Variants in CBLN3 observed in about 807,000 individuals in gnomAD.
CBLN3 encodes the protein cerebellin 3 precursor.
Under a neutral mutation model 17.4 loss-of-function variants are expected in CBLN3, and 14 were observed. The ratio of observed to expected loss-of-function variants is 0.81; its 90% CI spans 0.53 to 1.26. The LOEUF (loss-of-function observed/expected upper bound fraction) is 1.26. Ranked by LOEUF, CBLN3 falls within the 50% of genes most tolerant of loss-of-function variation. The pLI is 0.00. For missense variants in CBLN3, 263 were observed against 268.5 expected (o/e 0.98, Z 0.14); for synonymous variants, 129 against 117.4 (o/e 1.10, Z -0.64).
chr14:24,428,791 G>A lies in CBLN3; in HGVS notation c.264C>T (p.Thr88=), dbSNP rs769229753. ...AGATGGCCCCACTGGTGCCATTGCC[G>A]GTTTCCCCTGCTGGCTCATGGTGGT... ...RSHHHEPAGE[T]GNGTSGAIYF... Residue 88 remains threonine, a synonymous_variant, in exon 1 of 3, where the codon ACC becomes ACT. Transcript: ENST00000267406. 5.6e-6 allele frequency: 9 copies of A among 1,606,742 alleles called. No individual in the cohort carries two copies. The highest frequency in any genetic ancestry group is 1.1e-5 in the South Asian group (1 of 90,494).
chr14:24,426,596 C>A lies in CBLN3; in HGVS notation c.*1193G>T, dbSNP rs1157004057. ...TTCCTCTGCAACATACCTACTTGTA[C>A]CTGTAACACCCGATCCAAACTCCAG... On this transcript the variant is annotated 3_prime_UTR_variant, in exon 3 of 3. Transcript: ENST00000267406. The A allele has an allele frequency of 6.6e-6, 1 of 152,178 alleles. No homozygotes were observed. Among genetic ancestry groups the A allele is most frequent in the East Asian group, 1.9e-4 (1 of 5,204 alleles). 9.4% of individuals were successfully genotyped at this position (152,178 alleles called of 1,614,324 possible).
intron 2 of CBLN3, 57 bp downstream of exon 2, chr14:24,428,229 C>G (rs1292167930): frequency 6.2e-7 from 1 of 1,600,680 alleles, no homozygotes; most frequent in African/African-American, 1.3e-5. Flanking sequence ...GCTGGGCTCC[C>G]CTTCTTCCCC....
Position 24,429,102 on chromosome 14 carries a change from T to C in CBLN3, c.-48A>G. ...CAAGTGCCCCGGTCTTCTGCCCCTC[T>C]TCTGTTTCCGCTCCTCTCCCTGGAT... On this transcript the variant is annotated 5_prime_UTR_variant, in exon 1 of 3. Coordinates refer to ENST00000267406, the MANE Select transcript of CBLN3 (RefSeq NM_001039771.3). The C allele has an allele frequency of 6.9e-7, 1 of 1,457,288 alleles. No individual in the cohort carries two copies. Among genetic ancestry groups the C allele is most frequent in the Non-Finnish European group, 9.1e-7 (1 of 1,100,790 alleles). The allele number at this position is 1,457,288 out of a possible 1,614,324, so 90.3% of individuals were successfully genotyped here. A position where few individuals can be genotyped will look rare whatever the true frequency, so the allele number is the denominator to read the frequency against.
At position 24,426,894 on chromosome 14, in the gene CBLN3, G is replaced by A. The variant is rs563949385; in HGVS notation, c.*895C>T. 24 of 152,584 alleles carry A rather than the reference G, an allele frequency of 1.6e-4. No homozygotes were observed. Among genetic ancestry groups the A allele is most frequent in the African/African-American group, 5.5e-4 (23 of 41,590 alleles). 9.5% of individuals were successfully genotyped at this position (152,584 alleles called of 1,614,324 possible). Reference sequence around the variant, plus strand: ...AGGTACAGTGAAGATAACTCAGTGAGAGAGCTGGGAGGAAGGAGGCAGCAG... The same window carrying A: ...AGGTACAGTGAAGATAACTCAGTGAAAGAGCTGGGAGGAAGGAGGCAGCAG... On this transcript the variant is annotated 3_prime_UTR_variant, in exon 3 of 3. Transcript: ENST00000267406.
At chr14:24,428,636 T>C in intron 1 of CBLN3, 119 bp downstream of exon 1, 1 of 1,254,610 alleles carries the variant, frequency 8.0e-7, no homozygotes, top group South Asian at 1.4e-5. Flanking sequence ...GCCAGATTAG[T>C]GAAAGATGTA....
At position 24,428,375 on chromosome 14, in the gene CBLN3, G is replaced by C. The variant is rs141000396; in HGVS notation, c.331C>G (p.Arg111Gly). Reference protein sequence around the residue: ...VLVNEGGGFDRASGSFVAPVR... With the variant: ...VLVNEGGGFDGASGSFVAPVR... ...GGGGCTACGAAGGAGCCAGAGGCCC[G>C]GTCAAAGCCACCGCCCTCGTTCACC... The change falls in exon 2 of 3, where the codon CGG becomes GGG. Residue 111 changes from arginine to glycine, a missense_variant. By Grantham distance (125) the Arg-to-Gly change is moderately radical. Transcript: ENST00000267406. 6.8e-6 allele frequency: 11 copies of C among 1,613,854 alleles called. No homozygotes were observed. Among genetic ancestry groups the C allele is most frequent in the East Asian group, 2.2e-5 (1 of 44,866 alleles).
chr14:24,429,252 T>C lies in CBLN3; in HGVS notation c.-198A>G. The C allele has an allele frequency of 1.7e-5, 12 of 706,832 alleles. No individual in the cohort carries two copies. In the Middle Eastern group the frequency reaches 9.0e-4, roughly 53 times the overall value. The allele number at this position is 706,832 out of a possible 1,614,324, so 43.8% of individuals were successfully genotyped here. On this transcript the variant is annotated 5_prime_UTR_variant, in exon 1 of 3. Coordinates refer to ENST00000267406, the MANE Select transcript of CBLN3 (RefSeq NM_001039771.3). ...TGCTGTCACTGCAGTTCCCTCCTCC[T>C]TGGCAGAGCATGCAGTGACAGCAGT...
rs2273632 is a variant in CBLN3 at position 24,429,352 on chromosome 14, C to G, written c.-298G>C. On this transcript the variant is annotated 5_prime_UTR_variant, in exon 1 of 3. Transcript: ENST00000267406. ...GAGGGCTGCAGCCAGAGCTTCAGGG[C>G]AGCCCTGCTGGATGGGACAGCACTG... 3 of 640,976 alleles carry G rather than the reference C, an allele frequency of 4.7e-6. No homozygotes were observed. Among genetic ancestry groups the G allele is most frequent in the Non-Finnish European group, 8.6e-6 (3 of 347,074 alleles). 39.7% of individuals were successfully genotyped at this position (640,976 alleles called of 1,614,324 possible).
chr14:24,427,638 T>C lies in CBLN3; in HGVS notation c.*151A>G. 2.6e-6 allele frequency: 2 copies of C among 758,952 alleles called. No individual in the cohort carries two copies. The highest frequency in any genetic ancestry group is 4.5e-6 in the Non-Finnish European group (2 of 445,884). The allele number at this position is 758,952 out of a possible 1,614,324, so 47.0% of individuals were successfully genotyped here. ...GAGATGCCACAGCTCTACTCTTCTC[T>C]TAAACTTGGGTGTTTGGCACAGGGT... On this transcript the variant is annotated 3_prime_UTR_variant, in exon 3 of 3. Transcript: ENST00000267406. This position sits in a 1 kb window ranked among gnomAD's most constrained non-coding sequence, Gnocchi z 4.4.
Position 24,428,808 on chromosome 14 carries a change from C to T in CBLN3, c.247G>A (p.Glu83Lys). The T allele has an allele frequency of 6.2e-7, 1 of 1,611,262 alleles. No homozygotes were observed. Among genetic ancestry groups the T allele is most frequent in the African/African-American group, 1.3e-5 (1 of 74,968 alleles). ...AFAAVRSHHH[E>K]PAGETGNGTS... ...CCATTGCCGGTTTCCCCTGCTGGCT[C>T]ATGGTGGTGGCTTCGGACCGCAGCA... The change falls in exon 1 of 3, where the codon GAG becomes AAG. Residue 83 changes from glutamate to lysine, a missense_variant. Glu to Lys is a moderately conservative substitution (Grantham distance 56). Coordinates refer to ENST00000267406, the MANE Select transcript of CBLN3 (RefSeq NM_001039771.3).
intron 2 of CBLN3, 76 bp downstream of exon 2, chr14:24,428,210 C>T (rs751957473): frequency 2.2e-5 from 34 of 1,575,312 alleles, no homozygotes; most frequent in African/African-American, 4.0e-5. Flanking sequence ...AGAGTCCACC[C>T]GGAGGTCAGC....
In CBLN3 at chr14:24,429,125, G is replaced by T. The variant is rs1223974245; in HGVS notation, c.-71C>A. On this transcript the variant is annotated 5_prime_UTR_variant, in exon 1 of 3. Transcript: ENST00000267406. ...TCTTCTGTTTCCGCTCCTCTCCCTG[G>T]ATTCTCACCGCCGGCACCCTGATCG... 1.4e-6 allele frequency: 2 copies of T among 1,429,034 alleles called. No individual in the cohort carries two copies. The highest frequency in any genetic ancestry group is 2.8e-5 in the Admixed American group (1 of 36,162). The allele number at this position is 1,429,034 out of a possible 1,614,324, so 88.5% of individuals were successfully genotyped here.
Position 24,428,378 on chromosome 14 carries a change from C to A in CBLN3, c.328G>T (p.Asp110Tyr), listed in dbSNP as rs2043045982. ...GCTACGAAGGAGCCAGAGGCCCGGT[C>A]AAAGCCACCGCCCTCGTTCACCAGG... is the stretch of plus-strand genomic sequence containing the variant. ...QVLVNEGGGF[D>Y]RASGSFVAPV... Residue 110 changes from aspartate to tyrosine, a missense_variant, in exon 2 of 3, where the codon GAC (aspartate) becomes TAC (tyrosine). Transcript: ENST00000267406. 14 of 1,613,828 alleles carry A rather than the reference C, an allele frequency of 8.7e-6. No individual in the cohort carries two copies. The highest frequency in any genetic ancestry group is 1.7e-5 in the Admixed American group (1 of 60,018).
Position 24,427,783 on chromosome 14 carries a change from G to A in CBLN3, c.*6C>T. On this transcript the variant is annotated 3_prime_UTR_variant, in exon 3 of 3. Coordinates refer to ENST00000267406, the MANE Select transcript of CBLN3 (RefSeq NM_001039771.3). The surrounding 1 kb of genome is among the most constrained non-coding windows in gnomAD (Gnocchi z 4.4). ...CTGGATTCTTGTGCTTGAAAGACTTGGGTCCTCAGAGAGGGAAGATGAGGA... is the reference window on the plus strand; with the variant it reads ...CTGGATTCTTGTGCTTGAAAGACTTAGGTCCTCAGAGAGGGAAGATGAGGA... 1 of 1,613,606 alleles carries A rather than the reference G, an allele frequency of 6.2e-7. No individual in the cohort carries two copies. The highest frequency in any genetic ancestry group is 1.3e-5 in the African/African-American group (1 of 75,012).
In CBLN3 at chr14:24,428,745, G is replaced by C. The variant is rs1594749570; in HGVS notation, c.300+10C>G. The C allele has an allele frequency of 1.8e-5, 28 of 1,571,962 alleles. No individual in the cohort carries two copies. The highest frequency in any genetic ancestry group is 2.4e-5 in the Non-Finnish European group (28 of 1,155,294). ...TTTCCAGGTCCCCTGGACAGGGGTA[G>C]GGGGATTACCTGGTCGAAGTAGATG... On this transcript the variant is annotated intron_variant, in intron 1 of 2. Coordinates refer to ENST00000267406, the MANE Select transcript of CBLN3 (RefSeq NM_001039771.3).
chr14:24,427,912 G>T lies in CBLN3; in HGVS notation c.495C>A (p.Ala165=). Residue 165 remains alanine (A), a synonymous_variant, in exon 3 of 3, where the codon GCC becomes GCA. Transcript: ENST00000267406. This position sits in a 1 kb window ranked among gnomAD's most constrained non-coding sequence, Gnocchi z 4.4. Reference sequence around the variant, plus strand: ...CCAAGGGCAGTAGCACAGAGCTGGTGGCTGCCTCCCGGGTCACGTCAGGAT... The same window carrying T: ...CCAAGGGCAGTAGCACAGAGCTGGTTGCTGCCTCCCGGGTCACGTCAGGAT... The part of the protein sequence containing the change: ...ANDPDVTREA[A]TSSVLLPLDP... 6.2e-7 allele frequency: 1 copy of T among 1,614,022 alleles called. No individual in the cohort carries two copies. Among genetic ancestry groups the T allele is most frequent in the Non-Finnish European group, 8.5e-7 (1 of 1,179,970 alleles).
At position 24,429,072 on chromosome 14, in the gene CBLN3, A is replaced by G. The variant is rs1374472472; in HGVS notation, c.-18T>C. ...CCCAACATGGCTGAGGGGCTCTGCAACCCACAAGTGCCCCGGTCTTCTGCC... is the reference window on the plus strand; with the variant it reads ...CCCAACATGGCTGAGGGGCTCTGCAGCCCACAAGTGCCCCGGTCTTCTGCC... On this transcript the variant is annotated 5_prime_UTR_variant, in exon 1 of 3. Transcript: ENST00000267406. 3 of 1,474,768 alleles carry G rather than the reference A, an allele frequency of 2.0e-6. No individual in the cohort carries two copies. The highest frequency in any genetic ancestry group is 4.5e-4 in the Middle Eastern group (2 of 4,418). The allele number at this position is 1,474,768 out of a possible 1,614,324, so 91.4% of individuals were successfully genotyped here.
Position 24,428,839 on chromosome 14 carries a change from C to T in CBLN3, c.216G>A (p.Val72=), listed in dbSNP as rs766436191. 1.9e-6 allele frequency: 3 copies of T among 1,612,732 alleles called. No homozygotes were observed. The highest frequency in any genetic ancestry group is 2.5e-6 in the Non-Finnish European group (3 of 1,179,600). ...AALGEAPPGR[V]AFAAVRSHHH... is the part of the protein sequence containing the mutation. ...GGTGGCTTCGGACCGCAGCAAATGCCACTCGCCCAGGGGGTGCCTCTCCCA... is the reference window on the plus strand; with the variant it reads ...GGTGGCTTCGGACCGCAGCAAATGCTACTCGCCCAGGGGGTGCCTCTCCCA... Residue 72 remains valine, a synonymous_variant, in exon 1 of 3, where the codon GTG becomes GTA. Transcript: ENST00000267406.
In CBLN3 at chr14:24,428,391, C is replaced by T. The variant is rs1009595876; in HGVS notation, c.315G>A (p.Glu105=). Residue 105 remains glutamate, a synonymous_variant, in exon 2 of 3, where the codon GAG becomes GAA. Coordinates refer to ENST00000267406, the MANE Select transcript of CBLN3 (RefSeq NM_001039771.3). Reference sequence around the variant, plus strand: ...CAGAGGCCCGGTCAAAGCCACCGCCCTCGTTCACCAGGACCTGGGGGAAGC... The same window carrying T: ...CAGAGGCCCGGTCAAAGCCACCGCCTTCGTTCACCAGGACCTGGGGGAAGC... ...AIYFDQVLVN[E]GGGFDRASGS... 6.2e-6 allele frequency: 10 copies of T among 1,613,770 alleles called. No homozygotes were observed. Among genetic ancestry groups the T allele is most frequent in the African/African-American group, 5.3e-5 (4 of 74,910 alleles).
Sources: gnomAD v4.1 joint callset for allele counts on GRCh38, gnomAD v4.1.1 for gene constraint, Gnocchi (gnomAD v3.1) non-coding constraint, MANE v1.5 for transcripts, NCBI Gene and HGNC (gene_info 2026-07-23, HGNC 2026-07-21) for gene names.